CUX2: variants seen among roughly 807,000 people sequenced by gnomAD.
CUX2 encodes cut like homeobox 2, also known as homeobox protein cut-like 2.
In CUX2, 40 loss-of-function variants were observed where a neutral mutation model predicts 144.8. That is an observed-to-expected ratio of 0.28 (90% CI 0.21 to 0.36). The LOEUF (loss-of-function observed/expected upper bound fraction) is 0.36. Among genes scored for constraint, CUX2 ranks in the 10% least tolerant of loss-of-function variants. CUX2 has a pLI of 1.00. For synonymous variants in CUX2, 827 were observed against 875.6 expected, an observed-to-expected ratio of 0.94 and a Z score of 0.98; for missense variants, 1,615 against 1,994.0, an observed-to-expected ratio of 0.81 and a Z score of 3.62.
At chr12:111,317,224 A>G (rs1436557324) in intron 16 of CUX2, among the ~76,000 whole-genome samples, 2 of 152,194 alleles carry the variant, frequency 1.3e-5, no homozygotes, top group African/African-American at 4.8e-5. Context: ...CTGCAGAGCT[A>G]GAGAGACTCT....
chr12:111,187,343 CAG>C (rs774435022), intron 1 of CUX2, among the ~76,000 whole-genome samples: 2 of 152,172 alleles, frequency 1.3e-5, no homozygotes, highest in Non-Finnish European at 2.9e-5. Flanking sequence ...GACTCTTGCC[CAG>C]AGAGTCACAT....
rs1014679525 is a variant in CUX2, at chr12:111,160,661, A to T, written c.64-53539A>T. 6.6e-6 allele frequency among the ~76,000 whole-genome samples: 1 copy of T among 152,136 alleles called. No individual in the cohort carries two copies. The highest frequency in any genetic ancestry group is 6.5e-5 in the Admixed American group (1 of 15,270). On this transcript the variant is annotated intron_variant, in intron 1 of 21. Coordinates refer to ENST00000261726, the MANE Select transcript of CUX2 (RefSeq NM_015267.4). This position sits in a 1 kb window ranked among gnomAD's most constrained non-coding sequence, Gnocchi z 4.1. ...AGGGAGCCAATGGAGGGCTATGCAG[A>T]GGAGTGACGCAGTCCAGTGGCATTT...
At chr12:111,313,502 C>T (rs1254990125) in intron 16 of CUX2, among the ~76,000 whole-genome samples, 3 of 150,302 alleles carry the variant, frequency 2.0e-5, no homozygotes, top group Admixed American at 6.6e-5. Flanking sequence ...ATTAGCTGGG[C>T]GTGGTGGCGC....
At chr12:111,120,227 T>C (rs909733366) in intron 1 of CUX2, among the ~76,000 whole-genome samples, 1 of 152,174 alleles carries the variant, frequency 6.6e-6, no homozygotes, top group Non-Finnish European at 1.5e-5. Context: ...ATATCATTGC[T>C]ATGCCCTGGT....
intron 1 of CUX2, among the ~76,000 whole-genome samples, chr12:111,091,283 G>A (rs1240393985): frequency 2.0e-5 from 3 of 152,208 alleles, no homozygotes; most frequent in Admixed American, 6.5e-5. Flanking sequence ...TCCTGTTTGC[G>A]GAGGGAAGTC....
chr12:111,267,195 C>CAA (rs11290695), intron 4 of CUX2, among the ~76,000 whole-genome samples: 10 of 66,284 alleles, frequency 1.5e-4, no homozygotes, highest in Admixed American at 6.6e-4. Context: ...AAGACCCTGT[C>CAA]AAAAAAAAAA....
chr12:111,334,289 C>A, intron 18 of CUX2, 152 bp from the exon 19 acceptor site: 1 of 704,378 alleles, frequency 1.4e-6, no homozygotes, highest in Non-Finnish European at 2.3e-6. Context: ...CTAGTTTTAG[C>A]ATCCAGGGTG....
At chr12:111,333,957 G>A (rs1888227803) in intron 18 of CUX2, among the ~76,000 whole-genome samples, 1 of 152,106 alleles carries the variant, frequency 6.6e-6, no homozygotes, top group South Asian at 2.1e-4. Flanking sequence ...GGAGGCTGAG[G>A]CGGGTGGATC....
At position 111,054,076 on chromosome 12, in the gene CUX2, C is replaced by T. The variant is rs1484792328; in HGVS notation, c.63+19836C>T. On this transcript the variant is annotated intron_variant, in intron 1 of 21. Coordinates refer to ENST00000261726, the MANE Select transcript of CUX2 (RefSeq NM_015267.4). ...GGCTGAGGCAGGAGAATTGCTTGAA[C>T]CCAGGAGGTGGAGGCTGCAATGAAC... 2.0e-5 allele frequency among the ~76,000 whole-genome samples: 3 copies of T among 152,208 alleles called. No homozygotes were observed. The South Asian group carries it at 6.2e-4, about 32-fold the overall frequency.
At chr12:111,075,962 A>G (rs1280401952) in intron 1 of CUX2, among the ~76,000 whole-genome samples, 1 of 152,182 alleles carries the variant, frequency 6.6e-6, no homozygotes, top group Non-Finnish European at 1.5e-5. Context: ...TGCTAAGTGA[A>G]CCCTATGAGG....
At chr12:111,188,812 T>C (rs986779995) in intron 1 of CUX2, among the ~76,000 whole-genome samples, 1 of 151,994 alleles carries the variant, frequency 6.6e-6, no homozygotes, top group African/African-American at 2.4e-5. Flanking sequence ...AACGCACCCA[T>C]GGTTGTTGGA....
At chr12:111,126,258 G>T (rs112306122) in intron 1 of CUX2, among the ~76,000 whole-genome samples, 1 of 151,998 alleles carries the variant, frequency 6.6e-6, no homozygotes, top group Non-Finnish European at 1.5e-5. Context: ...ACAGGCATGT[G>T]CTACCATCCC....
At position 111,312,104 on chromosome 12, in the gene CUX2, C is replaced by T. The variant is rs751485817; in HGVS notation, c.1905C>T (p.Ser635=). The change falls in exon 16 of 22, where the codon AGC becomes AGT. Residue 635 remains serine (S), a synonymous_variant. Coordinates refer to ENST00000261726, the MANE Select transcript of CUX2 (RefSeq NM_015267.4). The surrounding 1 kb of genome is among the most constrained non-coding windows in gnomAD (Gnocchi z 4.3). ...LRTIQVRQRG[S]ITPRIRTPET... ...GATGCCTTCTTGCCTCCCCAGGCAGCATCACCCCGAGAATCCGCACGCCTG... is the reference window on the plus strand; with the variant it reads ...GATGCCTTCTTGCCTCCCCAGGCAGTATCACCCCGAGAATCCGCACGCCTG... 6.2e-7 allele frequency: 1 copy of T among 1,608,612 alleles called. No homozygotes were observed.
In CUX2 at chr12:111,155,616, C is replaced by A. The variant is rs150272217; in HGVS notation, c.64-58584C>A. Among the ~76,000 whole-genome samples, 57 of 152,260 alleles carry A rather than the reference C, an allele frequency of 3.7e-4. No homozygotes were observed. The East Asian group carries it at 9.8e-3, about 26-fold the overall frequency. On this transcript the variant is annotated intron_variant, in intron 1 of 21. Coordinates refer to ENST00000261726, the MANE Select transcript of CUX2 (RefSeq NM_015267.4). ...TTCTCCCATATGTTCCCAGGGAAACCACCCTAGCCTCTGTCCACTGCAGAG... is the reference window on the plus strand; with the variant it reads ...TTCTCCCATATGTTCCCAGGGAAACAACCCTAGCCTCTGTCCACTGCAGAG...
intron 1 of CUX2, among the ~76,000 whole-genome samples, chr12:111,200,035 T>C (rs1880483023): frequency 1.3e-5 from 2 of 151,942 alleles, no homozygotes; most frequent in South Asian, 4.2e-4. Flanking sequence ...GGAGGGGAGG[T>C]GAACAGAGAT....
intron 1 of CUX2, among the ~76,000 whole-genome samples, chr12:111,054,102 C>G (rs748123039): frequency 8.5e-5 from 13 of 152,138 alleles, no homozygotes; most frequent in African/African-American, 1.4e-4. Context: ...TGCAATGAAC[C>G]GAGATCGCGC....
intron 1 of CUX2, among the ~76,000 whole-genome samples, chr12:111,082,409 T>C (rs930360942): frequency 2.0e-5 from 3 of 152,138 alleles, no homozygotes; most frequent in African/African-American, 7.2e-5. Flanking sequence ...ATTTGCCACT[T>C]TAGTGGGAAG....
chr12:111,159,921 A>G (rs761775242), intron 1 of CUX2, among the ~76,000 whole-genome samples: 54 of 152,334 alleles, frequency 3.5e-4, no homozygotes, highest in Non-Finnish European at 6.3e-4. Context: ...GCTTCTCTGG[A>G]GGCTGAGGCA....
chr12:111,273,867 G>C (rs1266008833), intron 4 of CUX2, among the ~76,000 whole-genome samples: 1 of 152,228 alleles, frequency 6.6e-6, no homozygotes, highest in Non-Finnish European at 1.5e-5. Flanking sequence ...GATGGGTTCA[G>C]TGAGCAACAG....
Sources: allele counts gnomAD v4.1 joint callset (sites outside exome capture counted in the v4.1 genomes callset), GRCh38; gene constraint gnomAD v4.1.1; non-coding constraint Gnocchi (gnomAD v3.1); transcripts MANE v1.5; gene names NCBI Gene and HGNC (gene_info 2026-07-23, HGNC 2026-07-21).